PDE3A: variants seen among roughly 807,000 people sequenced by gnomAD.
The protein encoded by PDE3A is phosphodiesterase 3A, also known as cGMP-inhibited 3',5'-cyclic phosphodiesterase 3A.
Under a neutral mutation model 98.3 loss-of-function variants are expected in PDE3A, and 43 were observed. That is an observed-to-expected ratio of 0.44 (90% CI 0.34 to 0.56). PDE3A has a LOEUF of 0.56. Ranked by LOEUF, PDE3A falls within the 20% of genes least tolerant of loss-of-function variation. The pLI is 0.01. For missense variants in PDE3A, 1,427 were observed against 1,440.7 expected (o/e 0.99, Z 0.15); for synonymous variants, 663 against 567.9 (o/e 1.17, Z -2.38).
chr12:20,391,307 A>G (rs950367890), intron 1 of PDE3A, among the ~76,000 whole-genome samples: 12 of 150,238 alleles, frequency 8.0e-5, no homozygotes, highest in African/African-American at 1.5e-4. Context: ...GCTATATTCA[A>G]TGATGCTAGC....
intron 1 of PDE3A, among the ~76,000 whole-genome samples, chr12:20,379,504 T>G (rs1380483257): frequency 6.6e-6 from 1 of 151,798 alleles, no homozygotes; most frequent in Non-Finnish European, 1.5e-5. Context: ...AAGACAATTT[T>G]TATTATAAAA....
chr12:20,507,546 T>C (rs879858769), intron 1 of PDE3A, among the ~76,000 whole-genome samples: 17 of 152,040 alleles, frequency 1.1e-4, no homozygotes, highest in Non-Finnish European at 1.9e-4. Context: ...TATATCCAAT[T>C]GCAATAATTG....
Position 20,369,242 on chromosome 12 carries a change from T to G in PDE3A, c.-43T>G. On this transcript the variant is annotated 5_prime_UTR_variant, in exon 1 of 16. Transcript: ENST00000359062. ...GCGCGCGTGGGTCGGGGCGGGGGCGTCGGGGGGCCACTGGGAATTCAGTGA... is the reference window on the plus strand; with the variant it reads ...GCGCGCGTGGGTCGGGGCGGGGGCGGCGGGGGGCCACTGGGAATTCAGTGA... 1 of 1,416,210 alleles carries G rather than the reference T, an allele frequency of 7.1e-7. No individual in the cohort carries two copies. 87.7% of individuals were successfully genotyped at this position (1,416,210 alleles called of 1,614,324 possible).
intron 1 of PDE3A, among the ~76,000 whole-genome samples, chr12:20,370,878 A>G (rs939310239): frequency 6.6e-6 from 1 of 152,196 alleles, no homozygotes; most frequent in Non-Finnish European, 1.5e-5. Context: ...ACATTATTAC[A>G]TGCTAGTGTG....
At chr12:20,611,036 G>A (rs1943836880) in intron 2 of PDE3A, among the ~76,000 whole-genome samples, 1 of 151,760 alleles carries the variant, frequency 6.6e-6, no homozygotes, top group African/African-American at 2.4e-5. Flanking sequence ...TAAATAAGGA[G>A]ATTTCAGCTG....
chr12:20,465,373 T>C (rs563473853), intron 1 of PDE3A, among the ~76,000 whole-genome samples: 1 of 152,208 alleles, frequency 6.6e-6, no homozygotes, highest in South Asian at 2.1e-4. Flanking sequence ...GAATGTTAAT[T>C]CTCTAGGTAA....
At chr12:20,430,217 C>T (rs997402690) in intron 1 of PDE3A, among the ~76,000 whole-genome samples, 10 of 152,090 alleles carry the variant, frequency 6.6e-5, no homozygotes, top group African/African-American at 2.4e-4. Context: ...ATATTTGTGG[C>T]TCAGCATTGT....
At chr12:20,402,440 C>T (rs1944150147) in intron 1 of PDE3A, among the ~76,000 whole-genome samples, 3 of 152,084 alleles carry the variant, frequency 2.0e-5, no homozygotes, top group South Asian at 2.1e-4. Flanking sequence ...TGAGCCACCA[C>T]GCCTGGCCTG....
In PDE3A at chr12:20,552,224, C is replaced by T. The variant is rs903982906; in HGVS notation, c.961-4436C>T. ...GCCAAGGACTGGCGGTCGGGGAAGC[C>T]GGTCAGGGTGGTGCGCAATGTCAAG... On this transcript the variant is annotated intron_variant, in intron 1 of 15. Transcript: ENST00000359062. The surrounding 1 kb of genome is among the most constrained non-coding windows in gnomAD (Gnocchi z 5.1). 1.4e-5 allele frequency: 22 copies of T among 1,613,802 alleles called. No homozygotes were observed. The highest frequency in any genetic ancestry group is 2.2e-5 in the East Asian group (1 of 44,868).
At chr12:20,550,223 A>T (rs1249315876) in intron 1 of PDE3A, among the ~76,000 whole-genome samples, 2 of 152,108 alleles carry the variant, frequency 1.3e-5, no homozygotes, top group Non-Finnish European at 2.9e-5. Context: ...CCTTATTTTG[A>T]TCCTGTTAGT....
chr12:20,392,203 T>A (rs922170283), intron 1 of PDE3A, among the ~76,000 whole-genome samples: 1 of 152,026 alleles, frequency 6.6e-6, no homozygotes, highest in African/African-American at 2.4e-5. Context: ...ACCTTCTGTT[T>A]TTGTTTGGTC....
chr12:20,417,299 A>G (rs1395932459), intron 1 of PDE3A, among the ~76,000 whole-genome samples: 1 of 152,216 alleles, frequency 6.6e-6, no homozygotes, highest in East Asian at 1.9e-4. Flanking sequence ...GTCTTATATT[A>G]GAATGATATA....
At chr12:20,626,180 G>C (rs944673277) in intron 5 of PDE3A, among the ~76,000 whole-genome samples, 1 of 147,538 alleles carries the variant, frequency 6.8e-6, no homozygotes, top group Non-Finnish European at 1.5e-5. Context: ...TCCTTAGACT[G>C]TCCTCTTTCT....
intron 5 of PDE3A, 105 bp from the exon 6 acceptor site, chr12:20,629,803 C>A (rs1944341973): frequency 3.6e-6 from 3 of 832,928 alleles, no homozygotes; most frequent in Non-Finnish European, 6.1e-6. Context: ...CCTGAGCAGG[C>A]ACGTGGTTGT....
At chr12:20,514,270 T>C (rs1433192473) in intron 1 of PDE3A, among the ~76,000 whole-genome samples, 1 of 152,250 alleles carries the variant, frequency 6.6e-6, no homozygotes, top group East Asian at 1.9e-4. Flanking sequence ...TAGGATATTA[T>C]TGATTACTCA....
At chr12:20,543,243 G>A (rs74459029) in intron 1 of PDE3A, among the ~76,000 whole-genome samples, 1 of 134,678 alleles carries the variant, frequency 7.4e-6, no homozygotes, top group East Asian at 2.1e-4. Flanking sequence ...TTTGGAGTAA[G>A]TTTATTTGGT....
intron 15 of PDE3A, among the ~76,000 whole-genome samples, chr12:20,667,270 C>T (rs981230199): frequency 2.0e-5 from 3 of 152,128 alleles, no homozygotes; most frequent in Non-Finnish European, 2.9e-5. Context: ...AGAAGGTTTT[C>T]GTTTTTAGTT....
chr12:20,621,396 A>C lies in PDE3A; in HGVS notation c.1525A>C (p.Lys509Gln), dbSNP rs777668461. 1.2e-6 allele frequency: 2 copies of C among 1,601,972 alleles called. No homozygotes were observed. The highest frequency in any genetic ancestry group is 3.3e-5 in the Admixed American group (2 of 59,954). The change falls in exon 5 of 16, where the codon AAG becomes CAG. Residue 509 changes from lysine (K) to glutamine (Q), a missense_variant. This residue lies in a region of PDE3A where 1,012 missense variants were observed against 886.5 expected (regional missense o/e 1.14). Coordinates refer to ENST00000359062, the MANE Select transcript of PDE3A (RefSeq NM_000921.5). ...TGCAGCTAACCATGTAAAGGCTAAA[A>C]AGCAAAGTCGACCAGGTAAGTAACT... Reference protein sequence around the residue: ...ISAANHVKAKKQSRPGALAKI... With the variant: ...ISAANHVKAKQQSRPGALAKI...
chr12:20,483,119 G>C (rs557759747), intron 1 of PDE3A, among the ~76,000 whole-genome samples: 2 of 152,032 alleles, frequency 1.3e-5, no homozygotes, highest in Non-Finnish European at 2.9e-5. Flanking sequence ...GGCCTTACGC[G>C]GTAGCTCACT....
Sources: gnomAD v4.1 joint callset for allele counts (sites outside exome capture counted in the v4.1 genomes callset) on GRCh38, gnomAD v4.1.1 for gene constraint, gnomAD v4.1.1 regional missense constraint, Gnocchi (gnomAD v3.1) non-coding constraint, MANE v1.5 for transcripts, NCBI Gene and HGNC (gene_info 2026-07-23, HGNC 2026-07-21) for gene names.